The following EML5 variants were observed in gnomAD, a reference collection of about 807,000 sequenced individuals.
EML5 encodes the protein EMAP like 5, also known as echinoderm microtubule-associated protein-like 5.
Under a neutral mutation model 250.0 loss-of-function variants are expected in EML5, and 120 were observed. The observed-to-expected ratio is 0.48, with a 90% CI of 0.41 to 0.56. The LOEUF (loss-of-function observed/expected upper bound fraction) is 0.56, where lower values mean the gene tolerates loss of function less well. Among genes scored for constraint, EML5 ranks in the 20% least tolerant of loss-of-function variants. The probability of loss-of-function intolerance (pLI) is 0.00; values close to 1 mark genes in which losing one functional copy is unlikely to be tolerated. For synonymous variants in EML5, 771 were observed against 806.5 expected (o/e 0.96, Z 0.75); for missense variants, 2,006 against 2,437.6 (o/e 0.82, Z 3.73).
chr14:88,675,481 G>T (rs1229772192), intron 21 of EML5, among the ~76,000 whole-genome samples: 1 of 152,186 alleles, frequency 6.6e-6, no homozygotes, highest in Admixed American at 6.5e-5. Context: ...GGAATGCAGG[G>T]TACCAAGTCC....
At chr14:88,756,021 T>G (rs1338760718) in intron 1 of EML5, among the ~76,000 whole-genome samples, 2 of 151,870 alleles carry the variant, frequency 1.3e-5, no homozygotes, top group Non-Finnish European at 1.5e-5. Flanking sequence ...GTCTCTAAAG[T>G]AAATAAAGAA....
chr14:88,690,233 T>C (rs2092926137), intron 17 of EML5, among the ~76,000 whole-genome samples: 2 of 152,232 alleles, frequency 1.3e-5, no homozygotes, highest in Non-Finnish European at 2.9e-5. Flanking sequence ...AAGGACGGCC[T>C]ACTTTTGCTT....
chr14:88,780,935 A>G (rs1360161807), intron 1 of EML5, among the ~76,000 whole-genome samples: 1 of 152,206 alleles, frequency 6.6e-6, no homozygotes, highest in East Asian at 1.9e-4. Flanking sequence ...GATGTTAATC[A>G]TATCTATAAA....
rs367572806 is a variant in EML5 at position 88,694,262 on chromosome 14, T to A, written c.2539+45A>T. 2.8e-5 allele frequency: 39 copies of A among 1,372,636 alleles called. No individual in the cohort carries two copies. The African/African-American group carries it at 5.2e-4, about 18-fold the overall frequency. 85.0% of individuals were successfully genotyped at this position (1,372,636 alleles called of 1,614,324 possible). A position where few individuals can be genotyped will look rare whatever the true frequency, so the allele number is the denominator to read the frequency against. ...TTAGCTAAATTACTTTCAAAAGCAA[T>A]AATTTCTTAAAATTCTATGGAGTAA... On this transcript the variant is annotated intron_variant, in intron 17 of 43. Transcript: ENST00000554922.
chr14:88,655,162 A>T (rs2091820306), intron 27 of EML5, among the ~76,000 whole-genome samples: 1 of 152,196 alleles, frequency 6.6e-6, no homozygotes, highest in Non-Finnish European at 1.5e-5. Context: ...AAGAGCCCAT[A>T]TAGCCAAGAC....
In EML5 at chr14:88,660,327, T is replaced by C. The variant is rs141120425; in HGVS notation, c.3675+1327A>G. The stretch of plus-strand genomic sequence containing the variant: ...AGGAATGCATTGTATCTGGACTTGA[T>C]ATATAAATTTTATTTCCGTGTTAAG... On this transcript the variant is annotated intron_variant, in intron 25 of 43. Coordinates refer to ENST00000554922, the MANE Select transcript of EML5 (RefSeq NM_183387.3). Among the ~76,000 whole-genome samples, 6 of 151,266 alleles carry C rather than the reference T, an allele frequency of 4.0e-5. No individual in the cohort carries two copies. The East Asian group carries it at 5.8e-4, about 15-fold the overall frequency.
chr14:88,728,032 T>C lies in EML5; in HGVS notation c.1050-1354A>G, dbSNP rs145021042. Among the ~76,000 whole-genome samples, 536 of 152,318 alleles carry C rather than the reference T, an allele frequency of 3.5e-3. 4 individuals carry two copies. Among genetic ancestry groups the C allele is most frequent in the African/African-American group, 0.013 (520 of 41,570 alleles). On this transcript the variant is annotated intron_variant, in intron 7 of 43. Coordinates refer to ENST00000554922, the MANE Select transcript of EML5 (RefSeq NM_183387.3). ...TTATAAAACTGCTTAAAATCAAAAC[T>C]TGTGAAATATAGCTGAAACAGTACT...
At chr14:88,676,955 C>A (rs537836541) in intron 21 of EML5, among the ~76,000 whole-genome samples, 3 of 152,146 alleles carry the variant, frequency 2.0e-5, no homozygotes, top group Non-Finnish European at 2.9e-5. Flanking sequence ...CCCAGACTGA[C>A]GTGCAGTGGC....
At chr14:88,739,594 T>C (rs1317051980) in intron 5 of EML5, among the ~76,000 whole-genome samples, 1 of 152,274 alleles carries the variant, frequency 6.6e-6, no homozygotes, top group East Asian at 1.9e-4. Context: ...AAATTCAGAA[T>C]AACATTTAGG....
At chr14:88,744,780 G>A (rs534771544) in intron 3 of EML5, among the ~76,000 whole-genome samples, 14 of 151,928 alleles carry the variant, frequency 9.2e-5, no homozygotes, top group South Asian at 4.2e-4. Context: ...TCTGGTAGTC[G>A]TCATGTTTCT....
At position 88,709,988 on chromosome 14, in the gene EML5, C is replaced by G. The variant is rs563729229; in HGVS notation, c.1657+2283G>C. Among the ~76,000 whole-genome samples, 146 of 152,240 alleles carry G rather than the reference C, an allele frequency of 9.6e-4. 1 individual carries two copies. Among genetic ancestry groups the G allele is most frequent in the African/African-American group, 3.4e-3 (142 of 41,542 alleles). On this transcript the variant is annotated intron_variant, in intron 10 of 43. Transcript: ENST00000554922. Reference sequence around the variant, plus strand: ...CCAAATATAAATTTTCATTTGTCAACAAGAAGTACAGAGGGGGTCTTGGCC... The same window carrying G: ...CCAAATATAAATTTTCATTTGTCAAGAAGAAGTACAGAGGGGGTCTTGGCC...
chr14:88,628,860 G>A (rs1317068017), intron 33 of EML5, among the ~76,000 whole-genome samples: 2 of 151,914 alleles, frequency 1.3e-5, no homozygotes. Context: ...GTATCATTAA[G>A]TAGAAATTGT....
At chr14:88,653,153 G>A (rs1382778038) in intron 27 of EML5, among the ~76,000 whole-genome samples, 2 of 152,144 alleles carry the variant, frequency 1.3e-5, no homozygotes, top group African/African-American at 2.4e-5. Context: ...CTTGTATCCT[G>A]AGACTTTGCT....
At chr14:88,685,174 C>A (rs746484150) in intron 19 of EML5, 32 bp from the exon 20 acceptor site, 12 of 1,567,574 alleles carry the variant, frequency 7.7e-6, no homozygotes, top group Non-Finnish European at 1.0e-5. Flanking sequence ...TTCTTTTAGA[C>A]ATACAGTTAC....
chr14:88,708,632 A>G (rs1023736324), intron 10 of EML5, among the ~76,000 whole-genome samples: 3 of 152,266 alleles, frequency 2.0e-5, no homozygotes, highest in Non-Finnish European at 4.4e-5. Context: ...CCTATAATGC[A>G]CAGAAGAGGG....
At chr14:88,750,244 C>T (rs2094072127) in intron 2 of EML5, among the ~76,000 whole-genome samples, 1 of 152,064 alleles carries the variant, frequency 6.6e-6, no homozygotes. Context: ...ATTTAGCCTC[C>T]CTGTACCTTA....
chr14:88,685,118 G>C lies in EML5; in HGVS notation c.2879C>G (p.Ser960Cys). 1 of 1,597,814 alleles carries C rather than the reference G, an allele frequency of 6.3e-7. No homozygotes were observed. The highest frequency in any genetic ancestry group is 1.7e-5 in the Admixed American group (1 of 57,438). The change falls in exon 20 of 44, where the codon TCT becomes TGT. Residue 960 changes from serine to cysteine, a missense_variant. Physicochemically the swap from Ser to Cys is moderately radical, Grantham distance 112. Coordinates refer to ENST00000554922, the MANE Select transcript of EML5 (RefSeq NM_183387.3). ...ATGTCCTAATGATATGGCACGTATA[G>C]ATGGATTATCTTCCAAGAGAAGACC... ...SKGLLLEDNP[S>C]IRAISLGHGH...
chr14:88,692,492 G>A (rs2092983462), intron 17 of EML5, among the ~76,000 whole-genome samples: 1 of 152,150 alleles, frequency 6.6e-6, no homozygotes, highest in African/African-American at 2.4e-5. Context: ...CATTATATTA[G>A]GTATTATCGG....
chr14:88,632,983 G>T (rs2090523358), intron 33 of EML5, among the ~76,000 whole-genome samples: 1 of 152,132 alleles, frequency 6.6e-6, no homozygotes, highest in Non-Finnish European at 1.5e-5. Context: ...AGATGCTCCG[G>T]ATTCCACCTC....
Sources: allele counts gnomAD v4.1 joint callset (sites outside exome capture counted in the v4.1 genomes callset), GRCh38; gene constraint gnomAD v4.1.1; transcripts MANE v1.5; gene names NCBI Gene and HGNC (gene_info 2026-07-23, HGNC 2026-07-21).